CAPN8: variants seen among roughly 807,000 people sequenced by gnomAD.
The protein encoded by CAPN8 is calpain-8.
In CAPN8, 87 loss-of-function variants were observed where a neutral mutation model predicts 80.9. That is an observed-to-expected ratio of 1.07 (90% CI 0.90 to 1.28). The LOEUF (loss-of-function observed/expected upper bound fraction) is 1.28, where lower values mean the gene tolerates loss of function less well. Ranked by LOEUF, CAPN8 falls within the 50% of genes most tolerant of loss-of-function variation. The pLI, the probability that CAPN8 is intolerant of heterozygous loss-of-function variation, is 0.00. For synonymous variants in CAPN8, 299 were observed against 273.8 expected (o/e 1.09, Z -0.91); for missense variants, 757 against 702.0 (o/e 1.08, Z -0.89).
intron 20 of CAPN8, 121 bp downstream of exon 20, chr1:223,542,987 A>T (rs4072246): frequency 6.6e-6 from 7 of 1,065,278 alleles, no homozygotes; most frequent in African/African-American, 1.6e-5. Flanking sequence ...GCCACAGAAC[A>T]TGCATGGTAT....
intron 1 of CAPN8, among the ~76,000 whole-genome samples, chr1:223,664,198 G>T (rs192114647): frequency 6.6e-6 from 1 of 152,116 alleles, no homozygotes; most frequent in Non-Finnish European, 1.5e-5. Flanking sequence ...ATCAGTAACC[G>T]CATCCAGGAG....
chr1:223,613,376 C>A (rs185073010), intron 10 of CAPN8, among the ~76,000 whole-genome samples: 197 of 152,328 alleles, frequency 1.3e-3, no homozygotes, highest in Non-Finnish European at 2.1e-3. Context: ...CAGCTCCTGG[C>A]CTAATAGCCT....
chr1:223,547,655 C>T (rs982216595), intron 16 of CAPN8, among the ~76,000 whole-genome samples: 3 of 152,044 alleles, frequency 2.0e-5, no homozygotes, highest in South Asian at 2.1e-4. Context: ...TTAAGGATTC[C>T]ATGGGTATTT....
chr1:223,551,117 C>T, intron 14 of CAPN8, 100 bp from the exon 15 acceptor site: 1 of 664,352 alleles, frequency 1.5e-6, no homozygotes, highest in Non-Finnish European at 2.7e-6. Flanking sequence ...ACACCAGGCC[C>T]ACTGGCCCTG....
At chr1:223,658,721 G>C (rs1658561353) in intron 1 of CAPN8, among the ~76,000 whole-genome samples, 1 of 152,250 alleles carries the variant, frequency 6.6e-6, no homozygotes, top group East Asian at 1.9e-4. Context: ...CATAAGAATT[G>C]TTTGAAACCA....
At chr1:223,650,523 A>G (rs1190616318) in intron 2 of CAPN8, among the ~76,000 whole-genome samples, 1 of 152,194 alleles carries the variant, frequency 6.6e-6, no homozygotes, top group Non-Finnish European at 1.5e-5. Flanking sequence ...ATACTGAGGG[A>G]AAGTCTGGAA....
rs1656977155 is a variant in CAPN8 at position 223,609,362 on chromosome 1, C to T, written c.1326G>A (p.Leu442=). The part of the protein sequence containing the change: ...GYAVYQVPKE[L]ESHTDAHLGR... ...CCAAGTGTGCGTCCGTGTGACTCTCCAGCTGCACGAAACAATAAGCAGAGT... is the reference window on the plus strand; with the variant it reads ...CCAAGTGTGCGTCCGTGTGACTCTCTAGCTGCACGAAACAATAAGCAGAGT... Residue 442 remains leucine, a splice_region_variant and synonymous_variant, in exon 12 of 21, where the codon CTG becomes CTA. Coordinates refer to ENST00000366872, the MANE Select transcript of CAPN8 (RefSeq NM_001143962.2). 1 of 398,444 alleles carries T rather than the reference C, an allele frequency of 2.5e-6. No homozygotes were observed. The highest frequency in any genetic ancestry group is 4.4e-6 in the Non-Finnish European group (1 of 226,062). 24.7% of individuals were successfully genotyped at this position (398,444 alleles called of 1,614,324 possible). A position where few individuals can be genotyped will look rare whatever the true frequency, so the allele number is the denominator to read the frequency against.
At chr1:223,654,264 G>T in intron 2 of CAPN8, 66 bp downstream of exon 2, 1 of 1,357,134 alleles carries the variant, frequency 7.4e-7, no homozygotes, top group Non-Finnish European at 1.0e-6. Flanking sequence ...TTCATCTGAT[G>T]TTTACTCATG....
intron 2 of CAPN8, among the ~76,000 whole-genome samples, chr1:223,637,184 A>G (rs72747944): frequency 0.02 from 3,071 of 152,310 alleles, 43 homozygotes; most frequent in Non-Finnish European, 0.034. Flanking sequence ...CCTCCAAATG[A>G]TACAGATGCC....
At chr1:223,624,742 T>TAAATAAATAAAA (rs1361070655) in intron 6 of CAPN8, among the ~76,000 whole-genome samples, 35 of 150,690 alleles carry the variant, frequency 2.3e-4, no homozygotes, top group African/African-American at 5.7e-4. Flanking sequence ...AATAAATAAA[T>TAAATAAATAAAA]AAAATCATTG....
At chr1:223,665,326 C>T in intron 1 of CAPN8, 84 bp downstream of exon 1, 1 of 1,112,370 alleles carries the variant, frequency 9.0e-7, no homozygotes, top group South Asian at 1.5e-5. Flanking sequence ...GGTCCACAGC[C>T]TCAACTTCTC....
At chr1:223,639,529 C>A (rs1371949595) in intron 2 of CAPN8, among the ~76,000 whole-genome samples, 5 of 152,214 alleles carry the variant, frequency 3.3e-5, no homozygotes, top group Admixed American at 3.3e-4. Flanking sequence ...AAACTAGAAA[C>A]TTTACTGATC....
chr1:223,664,664 G>A (rs1658737720), intron 1 of CAPN8, among the ~76,000 whole-genome samples: 2 of 152,204 alleles, frequency 1.3e-5, no homozygotes, highest in African/African-American at 4.8e-5. Context: ...CAGGCTGGGT[G>A]TAGTGGCTCA....
chr1:223,622,910 C>G lies in CAPN8; in HGVS notation c.814-10G>C. 5 of 1,549,672 alleles carry G rather than the reference C, an allele frequency of 3.2e-6. No homozygotes were observed. Among genetic ancestry groups the G allele is most frequent in the Non-Finnish European group, 4.4e-6 (5 of 1,145,148 alleles). Reference sequence around the variant, plus strand: ...GGCCCTGGAAATTCACCTGCAAATTCCATACACAGAAAAGCGACTGAATTA... The same window carrying G: ...GGCCCTGGAAATTCACCTGCAAATTGCATACACAGAAAAGCGACTGAATTA... On this transcript the variant is annotated splice_polypyrimidine_tract_variant and intron_variant, in intron 6 of 20. Transcript: ENST00000366872.
chr1:223,634,427 C>T (rs1657858448), intron 2 of CAPN8, among the ~76,000 whole-genome samples: 1 of 152,186 alleles, frequency 6.6e-6, no homozygotes, highest in Non-Finnish European at 1.5e-5. Context: ...GGGCTTCTCT[C>T]ATTGGTGGGA....
At position 223,620,187 on chromosome 1, in the gene CAPN8, C is replaced by T. The variant is rs1558343484; in HGVS notation, c.974+5G>A. Reference sequence around the variant, plus strand: ...GGACAGCGCTTCAGCAGAAAACTCTCTCACCAGAATTCTCCATCCTCAACT... The same window carrying T: ...GGACAGCGCTTCAGCAGAAAACTCTTTCACCAGAATTCTCCATCCTCAACT... On this transcript the variant is annotated splice_donor_5th_base_variant and intron_variant, in intron 8 of 20. Transcript: ENST00000366872. The T allele has an allele frequency of 1.9e-6, 3 of 1,551,594 alleles. No individual in the cohort carries two copies. The highest frequency in any genetic ancestry group is 2.4e-5 in the East Asian group (1 of 40,904).
intron 1 of CAPN8, among the ~76,000 whole-genome samples, chr1:223,656,168 C>T: frequency 6.6e-6 from 1 of 151,044 alleles, no homozygotes; most frequent in East Asian, 1.9e-4. Flanking sequence ...TTTTTTTTCC[C>T]AAGTATTAAA....
intron 2 of CAPN8, among the ~76,000 whole-genome samples, chr1:223,643,130 T>C (rs552238284): frequency 7.9e-5 from 12 of 152,176 alleles, no homozygotes; most frequent in African/African-American, 2.6e-4. Flanking sequence ...CCAGGTGTAA[T>C]GGGGAAAGAA....
intron 1 of CAPN8, among the ~76,000 whole-genome samples, chr1:223,657,627 C>T (rs1262254112): frequency 2.0e-5 from 3 of 152,018 alleles, no homozygotes; most frequent in African/African-American, 7.2e-5. Context: ...ATTAGCCAGG[C>T]GTGGTGGTGA....
Sources: gnomAD v4.1 joint callset for allele counts (sites outside exome capture counted in the v4.1 genomes callset) on GRCh38, gnomAD v4.1.1 for gene constraint, MANE v1.5 for transcripts, NCBI Gene and HGNC (gene_info 2026-07-23, HGNC 2026-07-21) for gene names.